ASAP2: variants seen among roughly 807,000 people sequenced by gnomAD.
ASAP2 encodes the protein arf-GAP with SH3 domain, ANK repeat and PH domain-containing protein 2.
Under a neutral mutation model 131.4 loss-of-function variants are expected in ASAP2, and 45 were observed. That is an observed-to-expected ratio of 0.34 (90% CI 0.27 to 0.44). The LOEUF (loss-of-function observed/expected upper bound fraction) is 0.44, where lower values mean the gene tolerates loss of function less well. Ranked by LOEUF, ASAP2 falls within the 20% of genes least tolerant of loss-of-function variation. The probability of loss-of-function intolerance (pLI) is 1.00; values close to 1 mark genes in which losing one functional copy is unlikely to be tolerated. For missense variants in ASAP2, 1,011 were observed against 1,297.0 expected, an observed-to-expected ratio of 0.78 and a Z score of 3.39; for synonymous variants, 510 against 503.0, an observed-to-expected ratio of 1.01 and a Z score of -0.19.
intron 1 of ASAP2, among the ~76,000 whole-genome samples, chr2:9,252,054 C>CAAAAA (rs1664747096): frequency 6.6e-6 from 1 of 151,916 alleles, no homozygotes; most frequent in Non-Finnish European, 1.5e-5. Flanking sequence ...TTAGCCTGTA[C>CAAAAA]AAAACCTTCC....
chr2:9,282,609 G>C (rs960670641), intron 2 of ASAP2, among the ~76,000 whole-genome samples: 14 of 152,244 alleles, frequency 9.2e-5, no homozygotes, highest in African/African-American at 3.4e-4. Flanking sequence ...TCTGAAGGCA[G>C]CTGGTTCCAA....
chr2:9,380,851 G>C, intron 20 of ASAP2, 43 bp downstream of exon 20: 1 of 1,592,348 alleles, frequency 6.3e-7, no homozygotes, highest in Non-Finnish European at 8.6e-7. Flanking sequence ...ACCTGTCACG[G>C]GACAGGGAGC....
intron 1 of ASAP2, among the ~76,000 whole-genome samples, chr2:9,227,429 C>T (rs182943180): frequency 1.1e-3 from 169 of 152,280 alleles, no homozygotes; most frequent in African/African-American, 4.0e-3. Flanking sequence ...TTCTTATTTC[C>T]TAAAACCGAA....
chr2:9,355,320 C>T (rs1672623461), intron 12 of ASAP2, among the ~76,000 whole-genome samples: 1 of 152,188 alleles, frequency 6.6e-6, no homozygotes, highest in African/African-American at 2.4e-5. Flanking sequence ...ATGATGCCTT[C>T]TTAAAGAGTA....
intron 3 of ASAP2, among the ~76,000 whole-genome samples, chr2:9,313,628 T>C (rs1298903449): frequency 6.6e-6 from 1 of 152,212 alleles, no homozygotes; most frequent in African/African-American, 2.4e-5. Flanking sequence ...CGTGCCTTGT[T>C]CTAGACCGCA....
At position 9,392,658 on chromosome 2, in the gene ASAP2, AAAAG is replaced by A. The variant is rs1231170268; in HGVS notation, c.2519-818_2519-815del. Among the ~76,000 whole-genome samples, 2 of 152,202 alleles carry A rather than the reference AAAAG, an allele frequency of 1.3e-5. No homozygotes were observed. The highest frequency in any genetic ancestry group is 1.5e-5 in the Non-Finnish European group (1 of 68,038). On this transcript the variant is annotated intron_variant, in intron 23 of 27. Coordinates refer to ENST00000281419, the MANE Select transcript of ASAP2 (RefSeq NM_003887.3). The surrounding 1 kb of genome is among the most constrained non-coding windows in gnomAD (Gnocchi z 4.0). ...TTGGAAAAAGGAAACAATAATGATAAAAAGAAAGATCATAAGCTGGATCCCTTCA... is the reference window on the plus strand; with the variant it reads ...TTGGAAAAAGGAAACAATAATGATAAAAAGATCATAAGCTGGATCCCTTCA...
rs556993786 is a variant in ASAP2 at position 9,339,945 on chromosome 2, T to G, written c.850-4587T>G. On this transcript the variant is annotated intron_variant, in intron 9 of 27. Coordinates refer to ENST00000281419, the MANE Select transcript of ASAP2 (RefSeq NM_003887.3). ...CCTGTTTACCTCACTTTTCAGGTTTTCCAGGCACTTTACAAGTGTGGCCAA... is the reference window on the plus strand; with the variant it reads ...CCTGTTTACCTCACTTTTCAGGTTTGCCAGGCACTTTACAAGTGTGGCCAA... 2.6e-5 allele frequency among the ~76,000 whole-genome samples: 4 copies of G among 152,336 alleles called. No individual in the cohort carries two copies. In the South Asian group the frequency reaches 6.2e-4, roughly 24 times the overall value.
chr2:9,375,982 G>A (rs1027399924), intron 17 of ASAP2, among the ~76,000 whole-genome samples: 15 of 152,204 alleles, frequency 9.9e-5, no homozygotes, highest in African/African-American at 3.4e-4. Flanking sequence ...ACCCAAGTGG[G>A]GTGGCATGTG....
At chr2:9,271,437 C>A (rs113307685) in intron 1 of ASAP2, 1 of 1,420,374 alleles carries the variant, frequency 7.0e-7, no homozygotes, top group Admixed American at 1.7e-5. Flanking sequence ...AGGCAAACTT[C>A]TTAAACGCCT....
rs765448815 is a variant in ASAP2, at chr2:9,356,166, C to G, written c.1161-13C>G. 1 of 1,614,006 alleles carries G rather than the reference C, an allele frequency of 6.2e-7. No homozygotes were observed. The highest frequency in any genetic ancestry group is 8.5e-7 in the Non-Finnish European group (1 of 1,179,904). The stretch of plus-strand genomic sequence containing the variant: ...TTGTGGAATTTAACACAGCGTTGCT[C>G]TTGTTTTTCTAGATGGATGTCTGTG... On this transcript the variant is annotated splice_polypyrimidine_tract_variant and intron_variant, in intron 13 of 27. Transcript: ENST00000281419.
intron 3 of ASAP2, among the ~76,000 whole-genome samples, chr2:9,301,694 T>C (rs1338321771): frequency 6.6e-6 from 1 of 152,132 alleles, no homozygotes; most frequent in Non-Finnish European, 1.5e-5. Flanking sequence ...CAGGAGCCAA[T>C]GGGTGCTGAG....
intron 1 of ASAP2, among the ~76,000 whole-genome samples, chr2:9,250,796 C>T (rs1294631854): frequency 2.6e-5 from 4 of 152,146 alleles, no homozygotes; most frequent in Admixed American, 6.5e-5. Context: ...GCTATACCTG[C>T]GGGGTCCTAG....
intron 2 of ASAP2, among the ~76,000 whole-genome samples, chr2:9,293,172 A>G (rs1429933694): frequency 6.6e-6 from 1 of 152,182 alleles, no homozygotes; most frequent in African/African-American, 2.4e-5. Context: ...GTATGTACAC[A>G]TGCATGCTGG....
chr2:9,243,366 G>A (rs538730664), intron 1 of ASAP2, among the ~76,000 whole-genome samples: 13 of 152,178 alleles, frequency 8.5e-5, no homozygotes, highest in Admixed American at 5.9e-4. Context: ...CCTCGGCCTC[G>A]CAAAGTGCTG....
intron 2 of ASAP2, among the ~76,000 whole-genome samples, chr2:9,292,445 G>A (rs149506867): frequency 0.034 from 5,127 of 152,244 alleles, 205 homozygotes; most frequent in African/African-American, 0.089. Context: ...TTGAACCCAG[G>A]AGTTGGAGGT....
intron 11 of ASAP2, among the ~76,000 whole-genome samples, chr2:9,345,836 G>T (rs1295174725): frequency 6.6e-6 from 1 of 152,162 alleles, no homozygotes; most frequent in African/African-American, 2.4e-5. Flanking sequence ...CGGCCCTGAG[G>T]TTCATAAGGG....
intron 2 of ASAP2, among the ~76,000 whole-genome samples, chr2:9,291,155 G>A (rs1344397871): frequency 6.6e-6 from 1 of 151,972 alleles, no homozygotes; most frequent in African/African-American, 2.4e-5. Context: ...TCATATTGTT[G>A]GAACTTAACA....
chr2:9,383,426 G>C (rs376259305), intron 20 of ASAP2, among the ~76,000 whole-genome samples: 1 of 151,952 alleles, frequency 6.6e-6, no homozygotes, highest in African/African-American at 2.4e-5. Context: ...GGCTAAAAAA[G>C]TTTTTAAATT....
intron 3 of ASAP2, 21 bp from the exon 4 acceptor site, chr2:9,318,503 C>T (rs1324431821): frequency 6.4e-7 from 1 of 1,570,212 alleles, no homozygotes; most frequent in South Asian, 1.1e-5. Flanking sequence ...ATAAGAATCT[C>T]CTTTTGTTTT....
Sources: gnomAD v4.1 joint callset for allele counts (sites outside exome capture counted in the v4.1 genomes callset) on GRCh38, gnomAD v4.1.1 for gene constraint, Gnocchi (gnomAD v3.1) non-coding constraint, MANE v1.5 for transcripts, NCBI Gene and HGNC (gene_info 2026-07-23, HGNC 2026-07-21) for gene names.